Variants in ACOXL observed in about 807,000 individuals in gnomAD.
ACOXL encodes acyl-coenzyme A oxidase-like protein.
A neutral mutation model predicts 71.9 loss-of-function variants in ACOXL; 70 were observed. That is an observed-to-expected ratio of 0.97 (90% CI 0.80 to 1.19). The LOEUF (loss-of-function observed/expected upper bound fraction) is 1.19. ACOXL is among the 50% of genes most tolerant of loss of function. The probability of loss-of-function intolerance (pLI) is 0.00; values close to 1 mark genes in which losing one functional copy is unlikely to be tolerated. For synonymous variants in ACOXL, 253 were observed against 281.6 expected (o/e 0.90, Z 1.02); for missense variants, 703 against 736.3 (o/e 0.95, Z 0.52).
At chr2:111,115,128 C>G (rs2070255474) in intron 17 of ACOXL, among the ~76,000 whole-genome samples, 1 of 152,096 alleles carries the variant, frequency 6.6e-6, no homozygotes, top group South Asian at 2.1e-4. Flanking sequence ...TTTTCAAAAG[C>G]TGGTGAATTT....
chr2:110,854,167 G>A (rs1365897955), intron 10 of ACOXL, among the ~76,000 whole-genome samples: 1 of 152,126 alleles, frequency 6.6e-6, no homozygotes, highest in Non-Finnish European at 1.5e-5. Context: ...GGTGTGCCCT[G>A]CCCTTCAGGC....
chr2:111,073,601 A>C (rs13018779), intron 16 of ACOXL, among the ~76,000 whole-genome samples: 13,970 of 152,166 alleles, frequency 0.092, 713 homozygotes, highest in Non-Finnish European at 0.11. Flanking sequence ...CTGGATTTTT[A>C]TATTTTGTTC....
chr2:111,095,530 A>T (rs1012309021), intron 17 of ACOXL, among the ~76,000 whole-genome samples: 3 of 150,830 alleles, frequency 2.0e-5, no homozygotes, highest in African/African-American at 7.3e-5. Flanking sequence ...AGCTGGGATT[A>T]TAGGCACCCG....
intron 1 of ACOXL, among the ~76,000 whole-genome samples, chr2:110,747,755 T>A (rs987415747): frequency 6.6e-6 from 1 of 151,904 alleles, no homozygotes; most frequent in Non-Finnish European, 1.5e-5. Context: ...TGTTTTTGTG[T>A]TTTTTTTATG....
At chr2:110,911,325 A>G (rs1187549054) in intron 11 of ACOXL, among the ~76,000 whole-genome samples, 1 of 152,158 alleles carries the variant, frequency 6.6e-6, no homozygotes, top group Non-Finnish European at 1.5e-5. Context: ...GTCCTCCACA[A>G]ACTCTTCCAA....
Position 110,933,652 on chromosome 2 carries a change from A to G in ACOXL, c.1059+10A>G, listed in dbSNP as rs762823697. ...GTGCACTGGAGGCATGGTGAGCCCC[A>G]AGGCCTGCAGCCCCCGTGGGTCCCC... is the stretch of plus-strand genomic sequence containing the variant. On this transcript the variant is annotated intron_variant, in intron 12 of 17. Coordinates refer to ENST00000439055, the MANE Select transcript of ACOXL (RefSeq NM_001142807.4). 2.5e-6 allele frequency: 4 copies of G among 1,605,760 alleles called. No individual in the cohort carries two copies. Among genetic ancestry groups the G allele is most frequent in the South Asian group, 1.1e-5 (1 of 90,316 alleles).
intron 14 of ACOXL, among the ~76,000 whole-genome samples, chr2:110,999,293 T>C (rs985027534): frequency 6.6e-6 from 1 of 152,148 alleles, no homozygotes; most frequent in Admixed American, 6.5e-5. Context: ...AGGGCCCCAC[T>C]CTACAGCTTC....
intron 12 of ACOXL, among the ~76,000 whole-genome samples, chr2:110,935,814 A>G (rs1316544383): frequency 7.0e-6 from 1 of 143,702 alleles, no homozygotes; most frequent in East Asian, 2.1e-4. Flanking sequence ...GGCACCACGG[A>G]CTGGTTTCGT....
intron 5 of ACOXL, among the ~76,000 whole-genome samples, chr2:110,796,764 C>T (rs948359962): frequency 1.3e-5 from 2 of 152,218 alleles, no homozygotes; most frequent in East Asian, 1.9e-4. Flanking sequence ...CCAGAGACAT[C>T]TCTTAAAAAG....
At chr2:110,873,849 A>G (rs1695567167) in intron 10 of ACOXL, among the ~76,000 whole-genome samples, 1 of 152,202 alleles carries the variant, frequency 6.6e-6, no homozygotes, top group Admixed American at 6.5e-5. Flanking sequence ...CAATGGGGCC[A>G]CCCCAGGTTT....
chr2:110,973,384 A>C (rs2062302091), intron 12 of ACOXL, among the ~76,000 whole-genome samples: 1 of 151,956 alleles, frequency 6.6e-6, no homozygotes, highest in African/African-American at 2.4e-5. Context: ...GGGGCCTTTG[A>C]GAGGTGATTA....
chr2:111,067,010 C>T (rs764876454), intron 16 of ACOXL, among the ~76,000 whole-genome samples: 6 of 152,202 alleles, frequency 3.9e-5, no homozygotes, highest in African/African-American at 1.4e-4. Flanking sequence ...AGTTGAGTAA[C>T]GGACATATAT....
intron 10 of ACOXL, among the ~76,000 whole-genome samples, chr2:110,874,446 G>T (rs1335534174): frequency 1.3e-5 from 2 of 152,200 alleles, no homozygotes; most frequent in Non-Finnish European, 2.9e-5. Context: ...GCAGACAAAG[G>T]CAGGTCCCTG....
At chr2:110,754,104 ACT>A (rs1234257506) in intron 1 of ACOXL, among the ~76,000 whole-genome samples, 1 of 131,218 alleles carries the variant, frequency 7.6e-6, no homozygotes, top group Non-Finnish European at 1.6e-5. Context: ...ATAGGGTCTC[ACT>A]CTGTCACCCA....
At chr2:110,815,079 A>G (rs939725406) in intron 9 of ACOXL, among the ~76,000 whole-genome samples, 3 of 152,214 alleles carry the variant, frequency 2.0e-5, no homozygotes, top group African/African-American at 7.2e-5. Flanking sequence ...AAAACTTACA[A>G]TCATGGTGGA....
At chr2:111,033,348 C>T (rs1231399129) in intron 15 of ACOXL, among the ~76,000 whole-genome samples, 1 of 152,184 alleles carries the variant, frequency 6.6e-6, no homozygotes, top group Admixed American at 6.5e-5. Flanking sequence ...AAAAATGAGT[C>T]ATATTTAAAT....
intron 1 of ACOXL, among the ~76,000 whole-genome samples, chr2:110,751,248 C>T (rs1678918533): frequency 6.7e-6 from 1 of 149,980 alleles, no homozygotes; most frequent in African/African-American, 2.5e-5. Flanking sequence ...TTGCAGTGAG[C>T]CGAGATCGTG....
chr2:110,756,037 C>G (rs193262756), intron 1 of ACOXL, among the ~76,000 whole-genome samples: 1 of 152,258 alleles, frequency 6.6e-6, no homozygotes, highest in East Asian at 1.9e-4. Flanking sequence ...TTAGAATTGT[C>G]TAACATGTCT....
chr2:110,995,034 AT>A (rs2063328783), intron 13 of ACOXL, among the ~76,000 whole-genome samples: 1 of 151,396 alleles, frequency 6.6e-6, no homozygotes, highest in Non-Finnish European at 1.5e-5. Flanking sequence ...AATTCCTGAT[AT>A]ATAATATATT....
Sources: allele counts gnomAD v4.1 joint callset (sites outside exome capture counted in the v4.1 genomes callset), GRCh38; gene constraint gnomAD v4.1.1; transcripts MANE v1.5; gene names NCBI Gene and HGNC (gene_info 2026-07-23, HGNC 2026-07-21).